The following NBAS variants were observed in gnomAD, a reference collection of about 807,000 sequenced individuals.
NBAS encodes the protein NAG/BC035112 fusion.
NBAS carries 219 observed loss-of-function variants against 302.5 expected under a neutral mutation model. The ratio of observed to expected loss-of-function variants is 0.72; its 90% CI spans 0.65 to 0.81. The LOEUF (loss-of-function observed/expected upper bound fraction) is 0.81. Among genes scored for constraint, NBAS ranks in the 30% least tolerant of loss-of-function variants. The pLI, the probability that NBAS is intolerant of heterozygous loss-of-function variation, is 0.00. For synonymous variants in NBAS, 1,118 were observed against 1,021.6 expected, an observed-to-expected ratio of 1.09 and a Z score of -1.80; for missense variants, 2,932 against 2,841.6, an observed-to-expected ratio of 1.03 and a Z score of -0.72.
the NBAS span, among the ~76,000 whole-genome samples, chr2:14,826,182 C>G: frequency 9.9e-5 from 15 of 152,150 alleles, no homozygotes; most frequent in Non-Finnish European, 2.1e-4. Flanking sequence ...CTAACTTTTT[C>G]TAAAGCTCAA....
At chr2:15,529,888 A>G (rs531711383) in intron 9 of NBAS, among the ~76,000 whole-genome samples, 1 of 152,336 alleles carries the variant, frequency 6.6e-6, no homozygotes, top group South Asian at 2.1e-4. Context: ...TAATATGTTT[A>G]TTTTATAATC....
chr2:14,912,291 T>G, the NBAS span, among the ~76,000 whole-genome samples: 3 of 152,194 alleles, frequency 2.0e-5, 1 homozygote, highest in South Asian at 6.2e-4. Flanking sequence ...CCATAGTATT[T>G]TTTTCACTAT....
chr2:14,833,794 C>T, the NBAS span, among the ~76,000 whole-genome samples: 197 of 152,010 alleles, frequency 1.3e-3, 1 homozygote, highest in Non-Finnish European at 2.4e-3. Flanking sequence ...ACTGTTTCAT[C>T]ATCTGAAACA....
At chr2:14,886,117 C>T in the NBAS span, among the ~76,000 whole-genome samples, 2 of 152,284 alleles carry the variant, frequency 1.3e-5, no homozygotes, top group East Asian at 1.9e-4. Context: ...ATATCACACG[C>T]TTGGCTCTCA....
intron 16 of NBAS, among the ~76,000 whole-genome samples, chr2:15,470,564 G>A (rs559531436): frequency 6.6e-6 from 1 of 152,304 alleles, no homozygotes; most frequent in Non-Finnish European, 1.5e-5. Flanking sequence ...CATGCTCAGT[G>A]TCTTTTAATT....
Position 15,265,503 on chromosome 2 carries a change from A to G in NBAS, c.5724+9981T>C, listed in dbSNP as rs548961602. Among the ~76,000 whole-genome samples the G allele has an allele frequency of 1.5e-4, 23 of 152,278 alleles. No individual in the cohort carries two copies. The South Asian group carries it at 4.6e-3, about 30-fold the overall frequency. On this transcript the variant is annotated intron_variant, in intron 44 of 51. Transcript: ENST00000281513. ...TTCCTTGCTTTGTTTTTGTGAGTGAATACACTGTTTTCCTAGGTTGCAAGT... is the reference window on the plus strand; with the variant it reads ...TTCCTTGCTTTGTTTTTGTGAGTGAGTACACTGTTTTCCTAGGTTGCAAGT...
chr2:14,853,925 G>T, the NBAS span, among the ~76,000 whole-genome samples: 1 of 111,312 alleles, frequency 9.0e-6, no homozygotes, highest in Non-Finnish European at 1.8e-5. Context: ...ACTGTGGTGG[G>T]GTGGGGGGAG....
In NBAS at chr2:15,383,301, C is replaced by G; in HGVS notation, c.3274G>C (p.Glu1092Gln). Residue 1092 changes from glutamate to glutamine, a missense_variant, in exon 29 of 52, where the codon GAG (glutamate) becomes CAG (glutamine). Transcript: ENST00000281513. ...TGCAGCAACGTTCTCCAATGAGACT[C>G]ACTGACAGGAGGCTGCCTGGAAAAA... ...HTGRKQPPVS[E>Q]SHWRTLLQDM... The G allele has an allele frequency of 6.2e-7, 1 of 1,613,884 alleles. No homozygotes were observed. The highest frequency in any genetic ancestry group is 8.5e-7 in the Non-Finnish European group (1 of 1,179,916).
chr2:14,815,700 C>G, the NBAS span, among the ~76,000 whole-genome samples: 1 of 152,144 alleles, frequency 6.6e-6, no homozygotes, highest in South Asian at 2.1e-4. Context: ...TAGACCCTTC[C>G]TATTCTATTC....
At chr2:15,538,866 C>T (rs917913807) in intron 7 of NBAS, among the ~76,000 whole-genome samples, 2 of 152,084 alleles carry the variant, frequency 1.3e-5, no homozygotes, top group African/African-American at 4.8e-5. Flanking sequence ...TTTCTCTACT[C>T]GCCTTTTCAA....
chr2:14,902,682 C>G, the NBAS span, among the ~76,000 whole-genome samples: 1 of 152,084 alleles, frequency 6.6e-6, no homozygotes, highest in East Asian at 1.9e-4. Context: ...ATCATCAACA[C>G]AAGACTGAAA....
At chr2:15,183,081 C>T (rs1001629246) in intron 50 of NBAS, among the ~76,000 whole-genome samples, 7 of 152,046 alleles carry the variant, frequency 4.6e-5, no homozygotes, top group African/African-American at 1.7e-4. Context: ...GATAATTTTA[C>T]CACCACAGTG....
intron 25 of NBAS, among the ~76,000 whole-genome samples, chr2:15,409,982 A>C (rs571446794): frequency 1.3e-5 from 2 of 152,226 alleles, no homozygotes; most frequent in South Asian, 4.1e-4. Flanking sequence ...TGAAAGCACA[A>C]ATTCATGTTA....
At chr2:15,105,211 G>A in the NBAS span, among the ~76,000 whole-genome samples, 1 of 151,958 alleles carries the variant, frequency 6.6e-6, no homozygotes, top group Non-Finnish European at 1.5e-5. Flanking sequence ...TGAACAATGA[G>A]AACACATGAA....
the NBAS span, among the ~76,000 whole-genome samples, chr2:14,886,018 TG>T: frequency 6.6e-6 from 1 of 152,060 alleles, no homozygotes; most frequent in Non-Finnish European, 1.5e-5. Context: ...AAGCAAGAAA[TG>T]GGGCCATAGC....
chr2:15,344,649 C>G (rs1379828586), intron 35 of NBAS, among the ~76,000 whole-genome samples: 1 of 152,184 alleles, frequency 6.6e-6, no homozygotes, highest in Non-Finnish European at 1.5e-5. Context: ...GGACTCCTCC[C>G]TAACTCATTT....
At chr2:15,177,061 G>A (rs1016171721) in intron 51 of NBAS, among the ~76,000 whole-genome samples, 2 of 152,090 alleles carry the variant, frequency 1.3e-5, no homozygotes, top group African/African-American at 4.8e-5. Flanking sequence ...TCTCATTACC[G>A]AATTTCTAAA....
intron 38 of NBAS, among the ~76,000 whole-genome samples, chr2:15,313,887 T>G (rs1671388121): frequency 2.0e-5 from 3 of 152,208 alleles, no homozygotes; most frequent in Admixed American, 6.5e-5. Context: ...CTCTCTGGCT[T>G]TCTATTACTC....
chr2:15,226,693 G>C lies in NBAS; in HGVS notation c.6236+5729C>G, dbSNP rs533992516. 2.6e-5 allele frequency among the ~76,000 whole-genome samples: 4 copies of C among 152,314 alleles called. No homozygotes were observed. The South Asian group carries it at 8.3e-4, about 32-fold the overall frequency. ...AGAAAGCCATCTGTACAGGTGGCCT[G>C]TCTAGGTGTTATAATTTTAACACAA... On this transcript the variant is annotated intron_variant, in intron 47 of 51. Transcript: ENST00000281513.
Sources: allele counts gnomAD v4.1 joint callset (sites outside exome capture counted in the v4.1 genomes callset), GRCh38; gene constraint gnomAD v4.1.1; transcripts MANE v1.5; gene names NCBI Gene and HGNC (gene_info 2026-07-23, HGNC 2026-07-21).